The following KPNA6 variants were observed in gnomAD, a reference collection of about 807,000 sequenced individuals.
The protein encoded by KPNA6 is importin subunit alpha-7.
Under a neutral mutation model 72.0 loss-of-function variants are expected in KPNA6, and 9 were observed. The ratio of observed to expected loss-of-function variants is 0.13; its 90% CI spans 0.08 to 0.22. The LOEUF (loss-of-function observed/expected upper bound fraction) is 0.22. KPNA6 is among the 10% of genes least tolerant of loss of function. The pLI is 1.00. For missense variants in KPNA6, 374 were observed against 655.7 expected (o/e 0.57, Z 4.69); for synonymous variants, 219 against 242.1 (o/e 0.90, Z 0.89).
Position 32,108,651 on chromosome 1 carries a change from A to G in KPNA6, c.4+517A>G, listed in dbSNP as rs577934249. Among the ~76,000 whole-genome samples the G allele has an allele frequency of 2.0e-5, 3 of 152,370 alleles. No individual in the cohort carries two copies. The South Asian group carries it at 6.2e-4, about 32-fold the overall frequency. On this transcript the variant is annotated intron_variant, in intron 1 of 13. Transcript: ENST00000373625. ...ACTAGGCCGGTAAGCATGGGCAGCC[A>G]GGCCGAGGGCAGCTTGCGCCGCTGA...
intron 1 of KPNA6, among the ~76,000 whole-genome samples, chr1:32,128,387 T>TTATTTATATATATATATA (rs1641571923): frequency 1.4e-5 from 1 of 72,168 alleles, no homozygotes; most frequent in Non-Finnish European, 2.8e-5. Context: ...ATATATGTAT[T>TTATTTATATATATATATA]TATATATATA....
intron 1 of KPNA6, among the ~76,000 whole-genome samples, chr1:32,116,346 G>C (rs761837936): frequency 6.6e-6 from 1 of 151,648 alleles, no homozygotes; most frequent in Non-Finnish European, 1.5e-5. Context: ...CACTGGACTA[G>C]TACTTTTCAT....
chr1:32,170,073 T>C lies in KPNA6; in HGVS notation c.1423+13T>C. 1 of 1,610,218 alleles carries C rather than the reference T, an allele frequency of 6.2e-7. No homozygotes were observed. Among genetic ancestry groups the C allele is most frequent in the Non-Finnish European group, 8.5e-7 (1 of 1,176,910 alleles). On this transcript the variant is annotated intron_variant, in intron 13 of 13. Transcript: ENST00000373625. ...GAGGAAGCCTATGGTATGTGCCCTC[T>C]CCTCAATCTAGGTCAGAACCTGAGA... is the stretch of plus-strand genomic sequence containing the variant.
At chr1:32,120,326 G>A (rs1425846075) in intron 1 of KPNA6, among the ~76,000 whole-genome samples, 1 of 145,950 alleles carries the variant, frequency 6.9e-6, no homozygotes, top group Non-Finnish European at 1.5e-5. Flanking sequence ...CTCACTGCAA[G>A]CCCTGCCTCC....
chr1:32,175,922 A>G lies in KPNA6; in HGVS notation c.*5028A>G, dbSNP rs369021365. The stretch of plus-strand genomic sequence containing the variant: ...AAACCAGCCTGACCAACATAGTAAA[A>G]CCCCGTCCCTACAAAAATAAAAAAA... On this transcript the variant is annotated 3_prime_UTR_variant, in exon 14 of 14. Coordinates refer to ENST00000373625, the MANE Select transcript of KPNA6 (RefSeq NM_012316.5). 1.3e-5 allele frequency: 2 copies of G among 151,736 alleles called. No homozygotes were observed. Among genetic ancestry groups the G allele is most frequent in the East Asian group, 3.9e-4 (2 of 5,166 alleles). The allele number at this position is 151,736 out of a possible 1,614,324, so 9.4% of individuals were successfully genotyped here. A position where few individuals can be genotyped will look rare whatever the true frequency, so the allele number is the denominator to read the frequency against.
intron 1 of KPNA6, among the ~76,000 whole-genome samples, chr1:32,149,462 G>A (rs1641990710): frequency 6.6e-6 from 1 of 152,092 alleles, no homozygotes; most frequent in Non-Finnish European, 1.5e-5. Context: ...CTGGCCTCAG[G>A]CAGTCCTATC....
At chr1:32,150,614 A>G (rs1642011693) in intron 1 of KPNA6, among the ~76,000 whole-genome samples, 1 of 151,684 alleles carries the variant, frequency 6.6e-6, no homozygotes, top group Non-Finnish European at 1.5e-5. Flanking sequence ...GCTGCTTAGC[A>G]TGTATAGTAC....
intron 1 of KPNA6, among the ~76,000 whole-genome samples, chr1:32,115,563 G>T (rs1641316044): frequency 6.6e-6 from 1 of 151,700 alleles, no homozygotes; most frequent in South Asian, 2.1e-4. Context: ...AGTAGCTGGG[G>T]ACTACAGGTG....
In KPNA6 at chr1:32,173,005, A is replaced by G. The variant is rs771924562; in HGVS notation, c.*2111A>G. 47 of 398,064 alleles carry G rather than the reference A, an allele frequency of 1.2e-4. No individual in the cohort carries two copies. The highest frequency in any genetic ancestry group is 1.4e-4 in the Non-Finnish European group (32 of 225,948). 24.7% of individuals were successfully genotyped at this position (398,064 alleles called of 1,614,324 possible). ...TGAGGAGGATGGTTTAGGTCTGGCA[A>G]TTGTCCTTGAAAAATCCCACCCATG... On this transcript the variant is annotated 3_prime_UTR_variant, in exon 14 of 14. Coordinates refer to ENST00000373625, the MANE Select transcript of KPNA6 (RefSeq NM_012316.5).
At chr1:32,119,613 T>A (rs1016707050) in intron 1 of KPNA6, among the ~76,000 whole-genome samples, 1 of 152,204 alleles carries the variant, frequency 6.6e-6, no homozygotes, top group African/African-American at 2.4e-5. Context: ...GACTGTTAGA[T>A]GAACGGGACA....
At chr1:32,111,773 C>T (rs937758418) in intron 1 of KPNA6, among the ~76,000 whole-genome samples, 3 of 152,170 alleles carry the variant, frequency 2.0e-5, no homozygotes, top group African/African-American at 2.4e-5. Flanking sequence ...GTATATCCTA[C>T]ACTATTTCTA....
intron 4 of KPNA6, 78 bp downstream of exon 4, chr1:32,157,523 C>T (rs1453401578): frequency 6.0e-6 from 6 of 1,005,608 alleles, no homozygotes; most frequent in Admixed American, 5.7e-5. Context: ...TCAACTTACA[C>T]GTGCCCTCAC....
Position 32,172,902 on chromosome 1 carries a change from G to A in KPNA6, c.*2008G>A. ...ATGCCCTTCTGCTTATAGACCTAAA[G>A]TTCAGGTACTTATTATTGGCCATTG... On this transcript the variant is annotated 3_prime_UTR_variant, in exon 14 of 14. Coordinates refer to ENST00000373625, the MANE Select transcript of KPNA6 (RefSeq NM_012316.5). 1 of 394,888 alleles carries A rather than the reference G, an allele frequency of 2.5e-6. No homozygotes were observed. The highest frequency in any genetic ancestry group is 4.5e-6 in the Non-Finnish European group (1 of 224,446). The allele number at this position is 394,888 out of a possible 1,614,324, so 24.5% of individuals were successfully genotyped here.
chr1:32,151,670 T>C (rs1296419155), intron 1 of KPNA6, among the ~76,000 whole-genome samples: 1 of 152,236 alleles, frequency 6.6e-6, no homozygotes, highest in East Asian at 1.9e-4. Flanking sequence ...AGGAGACAAG[T>C]AGAGCTCACT....
intron 1 of KPNA6, among the ~76,000 whole-genome samples, chr1:32,112,559 C>T (rs181862781): frequency 3.7e-4 from 57 of 152,246 alleles, no homozygotes; most frequent in Admixed American, 2.6e-3. Flanking sequence ...ATGGCGTGAT[C>T]TCGGCTCACT....
chr1:32,174,868 A>G lies in KPNA6; in HGVS notation c.*3974A>G, dbSNP rs1642499267. The G allele has an allele frequency of 6.6e-6, 1 of 152,212 alleles. No individual in the cohort carries two copies. Among genetic ancestry groups the G allele is most frequent in the Non-Finnish European group, 1.5e-5 (1 of 68,040 alleles). 9.4% of individuals were successfully genotyped at this position (152,212 alleles called of 1,614,324 possible). A position where few individuals can be genotyped will look rare whatever the true frequency, so the allele number is the denominator to read the frequency against. On this transcript the variant is annotated 3_prime_UTR_variant, in exon 14 of 14. Transcript: ENST00000373625. ...AGAATTTAGTGAGTGTGAGACTGAG[A>G]TATTGCTCAGAATAAATTTATTCCA... is the stretch of plus-strand genomic sequence containing the variant.
In KPNA6 at chr1:32,174,876, C is replaced by T. The variant is rs1332608461; in HGVS notation, c.*3982C>T. ...GTGAGTGTGAGACTGAGATATTGCT[C>T]AGAATAAATTTATTCCATAGCCATT... On this transcript the variant is annotated 3_prime_UTR_variant, in exon 14 of 14. Coordinates refer to ENST00000373625, the MANE Select transcript of KPNA6 (RefSeq NM_012316.5). 6.6e-6 allele frequency: 1 copy of T among 152,210 alleles called. No homozygotes were observed. The highest frequency in any genetic ancestry group is 2.4e-5 in the African/African-American group (1 of 41,448). The allele number at this position is 152,210 out of a possible 1,614,324, so 9.4% of individuals were successfully genotyped here.
intron 1 of KPNA6, among the ~76,000 whole-genome samples, chr1:32,117,178 G>GTT (rs1204898617): frequency 7.1e-6 from 1 of 141,272 alleles, no homozygotes; most frequent in Non-Finnish European, 1.6e-5. Flanking sequence ...GTTTTTTTTT[G>GTT]TTTTTTTTTT....
Position 32,171,467 on chromosome 1 carries a change from G to A in KPNA6, c.*573G>A, listed in dbSNP as rs1212078072. On this transcript the variant is annotated 3_prime_UTR_variant, in exon 14 of 14. Coordinates refer to ENST00000373625, the MANE Select transcript of KPNA6 (RefSeq NM_012316.5). ...GAGTTATTTAATTTTTTTTTCTTTT[G>A]CACATTTTTCTTGTATTAAGATTGC... The A allele has an allele frequency of 1.3e-5, 2 of 151,320 alleles. No homozygotes were observed. Among genetic ancestry groups the A allele is most frequent in the Middle Eastern group, 3.2e-3 (1 of 314 alleles). 9.4% of individuals were successfully genotyped at this position (151,320 alleles called of 1,614,324 possible). A position where few individuals can be genotyped will look rare whatever the true frequency, so the allele number is the denominator to read the frequency against.
Sources: gnomAD v4.1 joint callset for allele counts (sites outside exome capture counted in the v4.1 genomes callset) on GRCh38, gnomAD v4.1.1 for gene constraint, MANE v1.5 for transcripts, NCBI Gene and HGNC (gene_info 2026-07-23, HGNC 2026-07-21) for gene names.